The following HECW2 variants were observed in gnomAD, a reference collection of about 807,000 sequenced individuals.
HECW2 encodes E3 ubiquitin-protein ligase HECW2.
A neutral mutation model predicts 175.2 loss-of-function variants in HECW2; 61 were observed. That is an observed-to-expected ratio of 0.35 (90% confidence interval 0.28 to 0.43). HECW2 has a LOEUF of 0.43. Ranked by LOEUF, HECW2 falls within the 20% of genes least tolerant of loss-of-function variation. The pLI, the probability that HECW2 is intolerant of heterozygous loss-of-function variation, is 1.00. For missense variants in HECW2, 1,524 were observed against 2,000.5 expected (o/e 0.76, Z 4.54); for synonymous variants, 671 against 731.0 (o/e 0.92, Z 1.32).
chr2:196,435,968 AC>A (rs1695857243), intron 1 of HECW2, among the ~76,000 whole-genome samples: 1 of 152,190 alleles, frequency 6.6e-6, no homozygotes, highest in Non-Finnish European at 1.5e-5. Context: ...CATAATTCCC[AC>A]CACCCCTTCT....
intron 2 of HECW2, among the ~76,000 whole-genome samples, chr2:196,406,480 A>C (rs991344575): frequency 6.6e-6 from 1 of 152,230 alleles, no homozygotes; most frequent in Non-Finnish European, 1.5e-5. Context: ...CTGCACTGCT[A>C]CAAGACTGAC....
intron 1 of HECW2, among the ~76,000 whole-genome samples, chr2:196,508,152 A>C (rs894813618): frequency 1.3e-5 from 2 of 152,246 alleles, no homozygotes; most frequent in Non-Finnish European, 2.9e-5. Flanking sequence ...TCTGAAAAAC[A>C]AAAGTTAGGA....
At chr2:196,361,354 T>C (rs577490628) in intron 2 of HECW2, among the ~76,000 whole-genome samples, 3 of 152,298 alleles carry the variant, frequency 2.0e-5, no homozygotes, top group Non-Finnish European at 2.9e-5. Flanking sequence ...ATTTGAACTT[T>C]ACCCTAAAAG....
At chr2:196,236,750 C>T (rs1354330620) in intron 21 of HECW2, among the ~76,000 whole-genome samples, 5 of 152,086 alleles carry the variant, frequency 3.3e-5, no homozygotes, top group Admixed American at 6.6e-5. Flanking sequence ...ATTATGTGTT[C>T]GGGAGGAAGA....
At chr2:196,363,228 C>T (rs1023080696) in intron 2 of HECW2, among the ~76,000 whole-genome samples, 2 of 152,010 alleles carry the variant, frequency 1.3e-5, no homozygotes, top group African/African-American at 4.8e-5. Flanking sequence ...CAAGCATGTT[C>T]AGAATGGTTA....
chr2:196,506,508 C>A (rs1042056160), intron 1 of HECW2, among the ~76,000 whole-genome samples: 3 of 152,004 alleles, frequency 2.0e-5, no homozygotes, highest in African/African-American at 7.3e-5. Context: ...TCTTCCCACC[C>A]CTGCCCCTTT....
At position 196,196,797 on chromosome 2, in the gene HECW2, A is replaced by T. The variant is rs915315641; in HGVS notation, c.*4480T>A. On this transcript the variant is annotated 3_prime_UTR_variant, in exon 29 of 29. Coordinates refer to ENST00000644978, the MANE Select transcript of HECW2 (RefSeq NM_001348768.2). The stretch of plus-strand genomic sequence containing the variant: ...TGGGTGACAGCCAGACCTTATCACA[A>T]ATAAACAAAAACAACTGCCAGCATG... The T allele has an allele frequency of 1.3e-5, 2 of 151,964 alleles. No individual in the cohort carries two copies. The highest frequency in any genetic ancestry group is 2.9e-5 in the Non-Finnish European group (2 of 68,132). The allele number at this position is 151,964 out of a possible 1,614,324, so 9.4% of individuals were successfully genotyped here. A position where few individuals can be genotyped will look rare whatever the true frequency, so the allele number is the denominator to read the frequency against.
At chr2:196,471,213 G>GA (rs1210228299) in intron 1 of HECW2, among the ~76,000 whole-genome samples, 7 of 152,052 alleles carry the variant, frequency 4.6e-5, no homozygotes, top group African/African-American at 1.2e-4. Flanking sequence ...ATTTGGAATA[G>GA]AAAAAACAAC....
rs1489398567 is a variant in HECW2 at position 196,195,741 on chromosome 2, A to G, written c.*5536T>C. On this transcript the variant is annotated 3_prime_UTR_variant, in exon 29 of 29. Transcript: ENST00000644978. ...AAGCACCCTTTCTTTCATTTCATAC[A>G]TGGTGTTCAATAATAGTAACAATAA... The G allele has an allele frequency of 1.3e-5, 2 of 152,242 alleles. No homozygotes were observed. The highest frequency in any genetic ancestry group is 2.4e-5 in the African/African-American group (1 of 41,468). The allele number at this position is 152,242 out of a possible 1,614,324, so 9.4% of individuals were successfully genotyped here. A position where few individuals can be genotyped will look rare whatever the true frequency, so the allele number is the denominator to read the frequency against.
chr2:196,311,945 G>A (rs1691512394), intron 10 of HECW2, among the ~76,000 whole-genome samples: 1 of 152,206 alleles, frequency 6.6e-6, no homozygotes, highest in South Asian at 2.1e-4. Flanking sequence ...TAGAAAGTGG[G>A]TAAAACTACT....
chr2:196,378,258 C>T (rs1376720829), intron 2 of HECW2, among the ~76,000 whole-genome samples: 1 of 152,150 alleles, frequency 6.6e-6, no homozygotes, highest in Admixed American at 6.5e-5. Context: ...TACTGCACCA[C>T]CACCCCCATA....
rs1205009465 is a variant in HECW2, at chr2:196,329,662, A to G, written c.496-12T>C. The G allele has an allele frequency of 1.3e-5, 21 of 1,612,118 alleles. No individual in the cohort carries two copies. Among genetic ancestry groups the G allele is most frequent in the Non-Finnish European group, 1.6e-5 (19 of 1,178,394 alleles). ...CCTTCTGCCCCCATCTGAAAAGAAA[A>G]AACATGCATCTGAAGTTTCAGAAGC... On this transcript the variant is annotated splice_polypyrimidine_tract_variant and intron_variant, in intron 4 of 28. Transcript: ENST00000644978.
At position 196,228,310 on chromosome 2, in the gene HECW2, C is replaced by A. The variant is rs1687926707; in HGVS notation, c.3765-56G>T. On this transcript the variant is annotated intron_variant, in intron 21 of 28. Transcript: ENST00000644978. ...TGTTACTTTTTTTCTAGATATTGGG[C>A]AGTTTTTCTCCAGAGCTCAAGTTTC... 5.3e-6 allele frequency: 8 copies of A among 1,519,080 alleles called. No homozygotes were observed. The East Asian group carries it at 1.2e-4, about 22-fold the overall frequency. The allele number at this position is 1,519,080 out of a possible 1,614,324, so 94.1% of individuals were successfully genotyped here.
intron 2 of HECW2, among the ~76,000 whole-genome samples, chr2:196,360,529 CA>C (rs1250869887): frequency 6.6e-6 from 1 of 152,076 alleles, no homozygotes; most frequent in African/African-American, 2.4e-5. Context: ...GAACAACAGA[CA>C]CTGGAGCCTA....
chr2:196,213,794 A>T (rs2105795741), intron 28 of HECW2, among the ~76,000 whole-genome samples: 1 of 152,288 alleles, frequency 6.6e-6, no homozygotes, highest in East Asian at 1.9e-4. Flanking sequence ...AGAAATGCAA[A>T]TCCAGCCTGA....
chr2:196,519,372 AT>A (rs893372615), intron 1 of HECW2, among the ~76,000 whole-genome samples: 1 of 152,170 alleles, frequency 6.6e-6, no homozygotes, highest in African/African-American at 2.4e-5. Flanking sequence ...TGCACCAAAA[AT>A]AAATAAATAA....
intron 2 of HECW2, among the ~76,000 whole-genome samples, chr2:196,367,234 T>G (rs554636588): frequency 6.6e-6 from 1 of 152,338 alleles, no homozygotes; most frequent in South Asian, 2.1e-4. Context: ...AAATTTTACG[T>G]GTCTTAGAAT....
chr2:196,533,620 AATAT>A (rs4014015), intron 1 of HECW2, among the ~76,000 whole-genome samples: 52,233 of 151,660 alleles, frequency 0.34, 12,342 homozygotes, highest in African/African-American at 0.68. Flanking sequence ...CTGGAAAAGG[AATAT>A]ATATATAGGT....
Position 196,329,647 on chromosome 2 carries a change from C to T in HECW2, c.499G>A (p.Gly167Arg), listed in dbSNP as rs1692284407. The change falls in exon 5 of 29, where the codon GGG (glycine) becomes AGG (arginine). Residue 167 changes from glycine (G) to arginine (R), a missense_variant. Gly to Arg is a moderately radical substitution (Grantham distance 125). Around this residue, in one of 11 missense-constraint regions of HECW2, gnomAD observed 54 missense variants for 46.8 expected, o/e 1.15. Coordinates refer to ENST00000644978, the MANE Select transcript of HECW2 (RefSeq NM_001348768.2). The part of the protein sequence containing the change: ...ITVKNPAVMM[G>R]AEGMEGGASG... The stretch of plus-strand genomic sequence containing the variant: ...GCACCTCCCTCCATGCCTTCTGCCC[C>T]CATCTGAAAAGAAAAAACATGCATC... 1 of 1,613,244 alleles carries T rather than the reference C, an allele frequency of 6.2e-7. No individual in the cohort carries two copies. The highest frequency in any genetic ancestry group is 1.7e-5 in the Admixed American group (1 of 60,006).
Sources: allele counts gnomAD v4.1 joint callset (sites outside exome capture counted in the v4.1 genomes callset), GRCh38; gene constraint gnomAD v4.1.1; regional missense constraint gnomAD v4.1.1; transcripts MANE v1.5; gene names NCBI Gene and HGNC (gene_info 2026-07-23, HGNC 2026-07-21).